The following DOP1B variants were observed in gnomAD, a reference collection of about 807,000 sequenced individuals.
DOP1B encodes the protein DOP1 leucine zipper like protein B.
A neutral mutation model predicts 233.5 loss-of-function variants in DOP1B; 174 were observed. The ratio of observed to expected loss-of-function variants is 0.75; its 90% CI spans 0.66 to 0.85. The LOEUF is 0.85. DOP1B is among the 40% of genes least tolerant of loss of function. The pLI is 0.00. For missense variants in DOP1B, 2,652 were observed against 2,846.6 expected (o/e 0.93, Z 1.56); for synonymous variants, 1,190 against 1,185.6 (o/e 1.00, Z -0.08).
chr21:36,259,264 C>CTTTTTTTTTTTTTTTTTTTTT (rs11411588), intron 23 of DOP1B, among the ~76,000 whole-genome samples: 1 of 136,634 alleles, frequency 7.3e-6, no homozygotes, highest in Non-Finnish European at 1.5e-5. Flanking sequence ...TGCGCCCGGG[C>CTTTTTTTTTTTTTTTTTTTTT]TTTTTTTTTT....
intron 1 of DOP1B, among the ~76,000 whole-genome samples, chr21:36,160,581 T>G (rs1964179): frequency 0.85 from 127,971 of 151,180 alleles, 54,170 homozygotes; most frequent in Non-Finnish European, 0.87. Flanking sequence ...AGGTTCAAAC[T>G]ATTCTCCTGC....
At chr21:36,284,339 C>G (rs1171558011) in intron 32 of DOP1B, among the ~76,000 whole-genome samples, 3 of 136,256 alleles carry the variant, frequency 2.2e-5, no homozygotes, top group Non-Finnish European at 3.0e-5. Flanking sequence ...GGTGCAATCT[C>G]TGCTCACTGC....
At chr21:36,189,925 G>A (rs976002416) in intron 2 of DOP1B, among the ~76,000 whole-genome samples, 1 of 148,952 alleles carries the variant, frequency 6.7e-6, no homozygotes, top group South Asian at 2.1e-4. Flanking sequence ...CAGGAGAATC[G>A]CTGGAACCTG....
rs530596685 is a variant in DOP1B, at chr21:36,182,968, G to A, written c.139-16102G>A. 2.0e-5 allele frequency among the ~76,000 whole-genome samples: 3 copies of A among 152,314 alleles called. No homozygotes were observed. The South Asian group carries it at 6.2e-4, about 32-fold the overall frequency. On this transcript the variant is annotated intron_variant, in intron 2 of 36. Coordinates refer to ENST00000691173, the MANE Select transcript of DOP1B (RefSeq NM_001320714.2). ...CCTGGTTTCCCAGCCTTGGCATGCTGTGGCATGGCAGACATTCTGGCTGCG... is the reference window on the plus strand; with the variant it reads ...CCTGGTTTCCCAGCCTTGGCATGCTATGGCATGGCAGACATTCTGGCTGCG...
chr21:36,233,155 G>A, intron 15 of DOP1B, 80 bp downstream of exon 15: 5 of 1,506,890 alleles, frequency 3.3e-6, no homozygotes, highest in Non-Finnish European at 4.5e-6. Flanking sequence ...CTGGGGATGG[G>A]GGCAGTGGCC....
rs111798893 is a variant in DOP1B, at chr21:36,180,647, G to A, written c.138+15776G>A. 9.5e-3 allele frequency among the ~76,000 whole-genome samples: 1,440 copies of A among 152,184 alleles called. 17 individuals are homozygous for A. The highest frequency in any genetic ancestry group is 0.033 in the African/African-American group (1,366 of 41,526). Reference sequence around the variant, plus strand: ...TGTAATCCCAGCATACTGGGAGGCCGAGGCGGGGGGATCACCTGAGGTCAG... The same window carrying A: ...TGTAATCCCAGCATACTGGGAGGCCAAGGCGGGGGGATCACCTGAGGTCAG... On this transcript the variant is annotated intron_variant, in intron 2 of 36. Transcript: ENST00000691173.
chr21:36,220,667 A>AT (rs201067094), intron 10 of DOP1B, among the ~76,000 whole-genome samples: 2,464 of 134,858 alleles, frequency 0.018, 83 homozygotes, highest in African/African-American at 0.057. Flanking sequence ...TGCCCAGCTA[A>AT]TTTTTTTTTT....
intron 32 of DOP1B, among the ~76,000 whole-genome samples, chr21:36,286,978 T>A (rs112277888): frequency 2.0e-5 from 3 of 151,206 alleles, no homozygotes; most frequent in Non-Finnish European, 4.4e-5. Flanking sequence ...AAAAAAAAAA[T>A]TTATTACTAA....
Position 36,239,849 on chromosome 21 carries a change from C to T in DOP1B, c.2961C>T (p.Leu987=), listed in dbSNP as rs778576570. The T allele has an allele frequency of 1.3e-6, 2 of 1,587,514 alleles. No individual in the cohort carries two copies. The highest frequency in any genetic ancestry group is 4.6e-5 in the East Asian group (2 of 43,388). Residue 987 remains leucine, a synonymous_variant, in exon 18 of 37, where the codon CTC becomes CTT. Coordinates refer to ENST00000691173, the MANE Select transcript of DOP1B (RefSeq NM_001320714.2). ...CCCAGGGCTGGCTGGTGCGTGCGCTCTCCCTCGGGGACGTGGCTCGCATCC... is the reference window on the plus strand; with the variant it reads ...CCCAGGGCTGGCTGGTGCGTGCGCTTTCCCTCGGGGACGTGGCTCGCATCC... ...AAAQGWLVRA[L]SLGDVARILE...
chr21:36,283,752 C>T (rs35716441), intron 32 of DOP1B, among the ~76,000 whole-genome samples: 4,925 of 152,004 alleles, frequency 0.032, 109 homozygotes, highest in Non-Finnish European at 0.046. Context: ...ACAGGAATCA[C>T]CTTTTCTTTA....
rs2066953535 is a variant in DOP1B, at chr21:36,245,808, C to A, written c.3828C>A (p.Asn1276Lys). ...SMDTSSTAHL[N>K]LISNLLARHQ... ...ATACCAGCTCCACCGCGCACCTCAA[C>A]CTCATCTCCAACCTCCTCGCTCGCC... The change falls in exon 19 of 37, where the codon AAC becomes AAA. Residue 1276 changes from asparagine to lysine, a missense_variant. By Grantham distance (94) the Asn-to-Lys change is moderately conservative. Around this residue, in one of 3 missense-constraint regions of DOP1B, gnomAD observed 2,617 missense variants for 2,794.3 expected, o/e 0.94. Transcript: ENST00000691173. This position sits in a 1 kb window ranked among gnomAD's most constrained non-coding sequence, Gnocchi z 5.5. 1 of 1,613,986 alleles carries A rather than the reference C, an allele frequency of 6.2e-7. No homozygotes were observed. Among genetic ancestry groups the A allele is most frequent in the East Asian group, 2.2e-5 (1 of 44,868 alleles).
chr21:36,199,000 A>C, intron 2 of DOP1B, 70 bp from the exon 3 acceptor site: 1 of 1,516,184 alleles, frequency 6.6e-7, no homozygotes, highest in Non-Finnish European at 8.9e-7. Flanking sequence ...CTCTGGCTTC[A>C]GCAGATCCAC....
rs747984595 is a variant in DOP1B at position 36,227,666 on chromosome 21, C to A, written c.1474-20C>A. The A allele has an allele frequency of 1.3e-6, 2 of 1,499,704 alleles. No homozygotes were observed. The highest frequency in any genetic ancestry group is 1.8e-6 in the Non-Finnish European group (2 of 1,115,972). The allele number at this position is 1,499,704 out of a possible 1,614,324, so 92.9% of individuals were successfully genotyped here. ...TTGTGAACCAACATTGTGGGGTTAA[C>A]CTACACGTTTATTTCACAGGAACTT... On this transcript the variant is annotated intron_variant, in intron 12 of 36. Transcript: ENST00000691173.
chr21:36,212,189 T>A lies in DOP1B; in HGVS notation c.904+92T>A, dbSNP rs1189889605. On this transcript the variant is annotated intron_variant, in intron 7 of 36. Coordinates refer to ENST00000691173, the MANE Select transcript of DOP1B (RefSeq NM_001320714.2). ...AATAAGATTTGGTCTTGGTGATGTA[T>A]CTCTGAATCATGAAGTATGGAAAGA... 4.6e-5 allele frequency: 64 copies of A among 1,393,960 alleles called. No homozygotes were observed. The Middle Eastern group carries it at 8.7e-4, about 19-fold the overall frequency. The allele number at this position is 1,393,960 out of a possible 1,614,324, so 86.3% of individuals were successfully genotyped here.
At chr21:36,184,276 C>A (rs1326188168) in intron 2 of DOP1B, among the ~76,000 whole-genome samples, 1 of 152,128 alleles carries the variant, frequency 6.6e-6, no homozygotes, top group East Asian at 1.9e-4. Context: ...CTCAAACTCC[C>A]GACCTCAGGT....
chr21:36,288,215 A>G (rs1389399237), intron 33 of DOP1B, 65 bp downstream of exon 33: 3 of 1,470,232 alleles, frequency 2.0e-6, no homozygotes, highest in South Asian at 1.3e-5. Flanking sequence ...TTTCAGTAAC[A>G]TAACGTACTA....
intron 2 of DOP1B, among the ~76,000 whole-genome samples, chr21:36,167,940 CTT>C (rs869190433): frequency 2.5e-4 from 10 of 40,062 alleles, no homozygotes; most frequent in African/African-American, 5.7e-4. Flanking sequence ...TTTTCTTTTT[CTT>C]TTTTTTTTTT....
chr21:36,219,410 A>G lies in DOP1B; in HGVS notation c.1168A>G (p.Arg390Gly), dbSNP rs758088044. Residue 390 changes from arginine to glycine, a missense_variant, in exon 10 of 37, where the codon AGG becomes GGG. Coordinates refer to ENST00000691173, the MANE Select transcript of DOP1B (RefSeq NM_001320714.2). ...VVGNLFLEVI[R>G]AFYSYCRDAL... ...TGGGAATTTGTTTCTCGAAGTCATC[A>G]GGGCCTTTTATTCTTACTGCAGAGA... The G allele has an allele frequency of 1.2e-6, 2 of 1,614,182 alleles. No individual in the cohort carries two copies. The highest frequency in any genetic ancestry group is 1.6e-4 in the Middle Eastern group (1 of 6,062).
intron 15 of DOP1B, among the ~76,000 whole-genome samples, chr21:36,234,398 A>G (rs1293008194): frequency 6.6e-6 from 1 of 152,236 alleles, no homozygotes; most frequent in African/African-American, 2.4e-5. Flanking sequence ...AGGTACTCAT[A>G]GAATAAAAGT....
Sources: gnomAD v4.1 joint callset for allele counts (sites outside exome capture counted in the v4.1 genomes callset) on GRCh38, gnomAD v4.1.1 for gene constraint, gnomAD v4.1.1 regional missense constraint, Gnocchi (gnomAD v3.1) non-coding constraint, MANE v1.5 for transcripts, NCBI Gene and HGNC (gene_info 2026-07-23, HGNC 2026-07-21) for gene names.